TUBB8: variants seen among roughly 807,000 people sequenced by gnomAD.
TUBB8 encodes the protein tubulin beta-8 chain.
In TUBB8, 25 loss-of-function variants were observed where a neutral mutation model predicts 33.7. The ratio of observed to expected loss-of-function variants is 0.74; its 90% CI spans 0.54 to 1.04. TUBB8 has a LOEUF of 1.04. TUBB8 is among the 50% of genes least tolerant of loss of function. The pLI is 0.00. For synonymous variants in TUBB8, 245 were observed against 240.1 expected (o/e 1.02, Z -0.19); for missense variants, 279 against 608.0 (o/e 0.46, Z 5.69).
upstream of TUBB8, among the ~76,000 whole-genome samples, chr10:50,822 C>G (rs1429069444): frequency 1.3e-5 from 2 of 152,346 alleles, no homozygotes; most frequent in African/African-American, 4.8e-5. Flanking sequence ...TTGATTGATT[C>G]TCTTGTGCTA....
chr10:65,382 A>T (rs1564211391), intron 1 of TUBB8, among the ~76,000 whole-genome samples: 3 of 152,242 alleles, frequency 2.0e-5, no homozygotes, highest in Non-Finnish European at 4.4e-5. Context: ...ACTTGACATC[A>T]CAAGAACAGA....
Position 48,760 on chromosome 10 carries a change from G to T in TUBB8, c.167-35C>A, listed in dbSNP as rs367665531. The T allele has an allele frequency of 7.5e-6, 12 of 1,606,860 alleles. No homozygotes were observed. The African/African-American group carries it at 1.6e-4, about 21-fold the overall frequency. ...GCGGGAGGGCATGAGCGAGGGGAGG[G>T]CCGCGTTCCCAGGAGGGCGGTGGGG... is the stretch of plus-strand genomic sequence containing the variant. On this transcript the variant is annotated intron_variant, in intron 2 of 3. Transcript: ENST00000568584.
At chr10:64,975 TAAAAAAAAA>T (rs61340461) in intron 1 of TUBB8, among the ~76,000 whole-genome samples, 2 of 118,564 alleles carry the variant, frequency 1.7e-5, no homozygotes, top group Non-Finnish European at 1.8e-5. Context: ...CCATCTCCAC[TAAAAAAAAA>T]AAAAAAAAAA....
At chr10:49,372 T>A, upstream of TUBB8, 1 of 859,802 alleles carries the variant, frequency 1.2e-6, no homozygotes. Context: ...GCTCCCAGAA[T>A]AAGCAACAGC....
chr10:73,472 C>T (rs868910974), intron 1 of TUBB8, among the ~76,000 whole-genome samples: 32 of 152,246 alleles, frequency 2.1e-4, no homozygotes, highest in African/African-American at 7.2e-4. Context: ...GGAGAAACCC[C>T]GTCTCTACTA....
At chr10:51,793 C>T (rs1158472005), upstream of TUBB8, among the ~76,000 whole-genome samples, 2 of 152,212 alleles carry the variant, frequency 1.3e-5, no homozygotes, top group African/African-American at 4.8e-5. Flanking sequence ...GGGTCAAAAA[C>T]CTGTAGGTGC....
rs147863681 is a variant in TUBB8 at position 48,037 on chromosome 10, C to T, written c.355G>A (p.Val119Ile). 1.6e-5 allele frequency: 26 copies of T among 1,613,862 alleles called. No homozygotes were observed. The highest frequency in any genetic ancestry group is 9.9e-5 in the South Asian group (9 of 91,084). Residue 119 changes from valine (V) to isoleucine (I), a missense_variant, in exon 4 of 4, where the codon GTT (valine) becomes ATT (isoleucine). Val to Ile is a conservative substitution (Grantham distance 29). Coordinates refer to ENST00000568584, the MANE Select transcript of TUBB8 (RefSeq NM_177987.3). ...CAGCTCTCAGCCTCCTTTCTGACAA[C>T]GTCCATCACTGACTCCATCAGCTCC... ...GAELMESVMD[V>I]VRKEAESCDC...
chr10:74,866 ATTTTTTTTTT>A (rs573408150), upstream of TUBB8, among the ~76,000 whole-genome samples: 1 of 115,810 alleles, frequency 8.6e-6, no homozygotes, highest in African/African-American at 3.2e-5. Flanking sequence ...GTCTGTGCCA[ATTTTTTTTTT>A]TTTTTTTTTT....
intron 1 of TUBB8, among the ~76,000 whole-genome samples, chr10:61,700 G>A (rs183521790): frequency 1.6e-3 from 245 of 152,300 alleles, no homozygotes; most frequent in African/African-American, 5.4e-3. Context: ...GTAGGGTGTC[G>A]AAGTGTTCAG....
At chr10:70,438 C>G (rs1279188653) in intron 1 of TUBB8, among the ~76,000 whole-genome samples, 10 of 151,954 alleles carry the variant, frequency 6.6e-5, no homozygotes, top group African/African-American at 2.2e-4. Context: ...CCCCACTCTC[C>G]CCACCCCACA....
chr10:60,078 C>T (rs188132074), intron 1 of TUBB8, among the ~76,000 whole-genome samples: 236 of 152,184 alleles, frequency 1.6e-3, no homozygotes, highest in African/African-American at 5.4e-3. Flanking sequence ...CTTTTTGTTT[C>T]ATTGATCTTT....
chr10:73,074 A>G (rs1185273473), intron 1 of TUBB8, among the ~76,000 whole-genome samples: 1 of 152,256 alleles, frequency 6.6e-6, no homozygotes, highest in Admixed American at 6.5e-5. Context: ...TAGGATGAGA[A>G]TGTTTATAAA....
chr10:61,808 T>G (rs1306451619), intron 1 of TUBB8, among the ~76,000 whole-genome samples: 1 of 152,258 alleles, frequency 6.6e-6, no homozygotes, highest in Non-Finnish European at 1.5e-5. Context: ...TCCAATTATA[T>G]CCTCTTCAAG....
chr10:59,946 G>A (rs555863730), intron 1 of TUBB8, among the ~76,000 whole-genome samples: 158 of 151,976 alleles, frequency 1.0e-3, no homozygotes, highest in Middle Eastern at 6.8e-3. Flanking sequence ...ATGATCTTTT[G>A]ATTTTCTGAA....
chr10:64,463 A>G (rs187018523), intron 1 of TUBB8, among the ~76,000 whole-genome samples: 28,174 of 136,588 alleles, frequency 0.21, no homozygotes, highest in African/African-American at 0.33. Context: ...TAAAACCCTA[A>G]CCCCAACCCC....
intron 1 of TUBB8, chr10:73,927 C>A: frequency 6.5e-6 from 1 of 154,248 alleles, no homozygotes. Flanking sequence ...GCCGCGCTCG[C>A]CCCGCTGCAC....
intron 1 of TUBB8, among the ~76,000 whole-genome samples, chr10:60,197 GTTAT>G (rs1834580322): frequency 6.6e-6 from 1 of 151,916 alleles, no homozygotes; most frequent in Non-Finnish European, 1.5e-5. Context: ...GTATTGTTAG[GTTAT>G]TTATTTGCAG....
At chr10:66,017 C>T (rs1588279973) in intron 1 of TUBB8, among the ~76,000 whole-genome samples, 1 of 152,212 alleles carries the variant, frequency 6.6e-6, no homozygotes, top group African/African-American at 2.4e-5. Context: ...ACACCACAAT[C>T]GGACTTTAGC....
upstream of TUBB8, among the ~76,000 whole-genome samples, chr10:75,065 G>A (rs1834793201): frequency 6.6e-6 from 1 of 151,610 alleles, no homozygotes; most frequent in South Asian, 2.1e-4. Context: ...AGTAGAGACG[G>A]GGTTTTGCCA....
Sources: allele counts gnomAD v4.1 joint callset (sites outside exome capture counted in the v4.1 genomes callset), GRCh38; gene constraint gnomAD v4.1.1; transcripts MANE v1.5; gene names NCBI Gene and HGNC (gene_info 2026-07-23, HGNC 2026-07-21).